The following RPN2 variants were observed in gnomAD, a reference collection of about 807,000 sequenced individuals.
RPN2 encodes the protein ribophorin II.
RPN2 carries 29 observed loss-of-function variants against 71.4 expected under a neutral mutation model. The observed-to-expected ratio is 0.41, with a 90% CI of 0.30 to 0.55. RPN2 has a LOEUF of 0.55. RPN2 is among the 20% of genes least tolerant of loss of function. RPN2 has a pLI of 0.35. For missense variants in RPN2, 726 were observed against 774.1 expected, an observed-to-expected ratio of 0.94 and a Z score of 0.74; for synonymous variants, 308 against 305.0, an observed-to-expected ratio of 1.01 and a Z score of -0.10.
chr20:37,200,007 T>C (rs1187961121), intron 4 of RPN2, among the ~76,000 whole-genome samples: 1 of 151,950 alleles, frequency 6.6e-6, no homozygotes, highest in East Asian at 1.9e-4. Flanking sequence ...ATTTTTTTTT[T>C]TTTTTGAGAC....
chr20:37,208,137 G>A (rs754479517), intron 7 of RPN2, among the ~76,000 whole-genome samples: 7 of 151,982 alleles, frequency 4.6e-5, no homozygotes, highest in Non-Finnish European at 1.0e-4. Context: ...GGGCCTGGTG[G>A]TGCGCACCTG....
chr20:37,213,629 G>A (rs1439170254), intron 8 of RPN2, 131 bp from the exon 9 acceptor site: 3 of 731,370 alleles, frequency 4.1e-6, no homozygotes, highest in Non-Finnish European at 7.4e-6. Flanking sequence ...GCCCAAGTGG[G>A]GTGGGAAGTC....
intron 1 of RPN2, among the ~76,000 whole-genome samples, chr20:37,182,532 A>T (rs1207695039): frequency 6.6e-6 from 1 of 152,136 alleles, no homozygotes; most frequent in Admixed American, 6.5e-5. Context: ...CTGGGACTAC[A>T]GGCACACGCC....
rs762745360 is a variant in RPN2, at chr20:37,184,286, G to A, written c.120G>A (p.Ser40=). The change falls in exon 2 of 17, where the codon TCG becomes TCA. Residue 40 remains serine (S), a synonymous_variant. Transcript: ENST00000237530. ...TKHDVERLKA[S]LDRPFTNLES... ...ATGACGTGGAGAGACTAAAAGCCTCGCTGGATCGCCCTTTCACAAATTTGG... is the reference window on the plus strand; with the variant it reads ...ATGACGTGGAGAGACTAAAAGCCTCACTGGATCGCCCTTTCACAAATTTGG... The A allele has an allele frequency of 2.5e-5, 40 of 1,614,034 alleles. No homozygotes were observed. Among genetic ancestry groups the A allele is most frequent in the East Asian group, 2.2e-4 (10 of 44,884 alleles).
At chr20:37,234,752 C>T (rs1386898109) in intron 15 of RPN2, among the ~76,000 whole-genome samples, 1 of 150,908 alleles carries the variant, frequency 6.6e-6, no homozygotes, top group Non-Finnish European at 1.5e-5. Context: ...GCATTCATGG[C>T]TCACTGCAGC....
intron 11 of RPN2, 68 bp from the exon 12 acceptor site, chr20:37,228,482 A>C: frequency 2.1e-6 from 3 of 1,458,898 alleles, no homozygotes; most frequent in Non-Finnish European, 1.9e-6. Context: ...TGCCCGGTGG[A>C]TTCAATGTTA....
chr20:37,190,787 T>C (rs2067122271), intron 2 of RPN2, among the ~76,000 whole-genome samples: 1 of 152,236 alleles, frequency 6.6e-6, no homozygotes, highest in Non-Finnish European at 1.5e-5. Flanking sequence ...ACATACTCCA[T>C]TCTAATTGCT....
At chr20:37,212,514 T>C (rs914463442) in intron 8 of RPN2, among the ~76,000 whole-genome samples, 2 of 151,486 alleles carry the variant, frequency 1.3e-5, no homozygotes, top group Non-Finnish European at 2.9e-5. Flanking sequence ...ACAGTTTCGC[T>C]CTGTTGCCTG....
chr20:37,211,714 T>C (rs1018392241), intron 8 of RPN2, among the ~76,000 whole-genome samples: 16 of 151,758 alleles, frequency 1.1e-4, no homozygotes, highest in Admixed American at 9.2e-4. Flanking sequence ...TTTTATAGGA[T>C]TAAATATTCT....
chr20:37,232,308 G>A lies in RPN2; in HGVS notation c.1594G>A (p.Glu532Lys), dbSNP rs140556886. 3.0e-4 allele frequency: 487 copies of A among 1,614,136 alleles called. 2 individuals are homozygous for A. The African/African-American group carries it at 4.8e-3, about 16-fold the overall frequency. Reference sequence around the variant, plus strand: ...TGTCTTTCGGCAGCACCTGTTCCGCGAGCCTGAGAAGAGGCCCCCCACCGT... The same window carrying A: ...TGTCTTTCGGCAGCACCTGTTCCGCAAGCCTGAGAAGAGGCCCCCCACCGT... Reference protein sequence around the residue: ...PKQEIQHLFREPEKRPPTVVS... With the variant: ...PKQEIQHLFRKPEKRPPTVVS... The change falls in exon 14 of 17, where the codon GAG (glutamate) becomes AAG (lysine). Residue 532 changes from glutamate (E) to lysine (K), a missense_variant. By Grantham distance (56) the Glu-to-Lys change is moderately conservative. Coordinates refer to ENST00000237530, the MANE Select transcript of RPN2 (RefSeq NM_002951.5).
intron 16 of RPN2, among the ~76,000 whole-genome samples, chr20:37,240,095 C>T (rs576142411): frequency 2.0e-5 from 3 of 152,118 alleles, no homozygotes; most frequent in Non-Finnish European, 4.4e-5. Flanking sequence ...CCTGCTATCC[C>T]CAAATCATTG....
chr20:37,224,665 G>GC (rs1338260457), intron 10 of RPN2, among the ~76,000 whole-genome samples: 1 of 152,162 alleles, frequency 6.6e-6, no homozygotes, highest in East Asian at 1.9e-4. Flanking sequence ...CTGCTCATCA[G>GC]CCCTCCCCCA....
chr20:37,241,494 G>T lies in RPN2; in HGVS notation c.*179G>T. 1.4e-6 allele frequency: 1 copy of T among 693,748 alleles called. No homozygotes were observed. 43.0% of individuals were successfully genotyped at this position (693,748 alleles called of 1,614,324 possible). ...CCCCAACACACAGCAGATACCTGGT[G>T]AGCTCAGATAGTCTCTTTCTCTGAC... On this transcript the variant is annotated 3_prime_UTR_variant, in exon 17 of 17. Transcript: ENST00000237530.
At chr20:37,217,785 T>G (rs2067851131) in intron 9 of RPN2, among the ~76,000 whole-genome samples, 1 of 151,578 alleles carries the variant, frequency 6.6e-6, no homozygotes, top group Non-Finnish European at 1.5e-5. Context: ...TGGAGTGCAG[T>G]GGCACGATCT....
chr20:37,209,935 A>G (rs764248710), intron 7 of RPN2, 112 bp from the exon 8 acceptor site: 13 of 1,545,898 alleles, frequency 8.4e-6, no homozygotes, highest in Non-Finnish European at 1.0e-5. Flanking sequence ...TTCCCGAAGC[A>G]GGGGATTTGC....
At chr20:37,222,213 G>C (rs2067975466) in intron 9 of RPN2, among the ~76,000 whole-genome samples, 1 of 152,152 alleles carries the variant, frequency 6.6e-6, no homozygotes, top group Admixed American at 6.5e-5. Context: ...CTCCCTTCTT[G>C]GGGGTGTCTA....
At chr20:37,215,923 C>T (rs1435738975) in intron 9 of RPN2, among the ~76,000 whole-genome samples, 1 of 152,036 alleles carries the variant, frequency 6.6e-6, no homozygotes, top group African/African-American at 2.4e-5. Context: ...GTTTGTTAGT[C>T]TTATTACTGA....
intron 9 of RPN2, among the ~76,000 whole-genome samples, chr20:37,219,142 G>A (rs547399280): frequency 1.0e-3 from 158 of 152,304 alleles, no homozygotes; most frequent in African/African-American, 3.7e-3. Flanking sequence ...TACCAGCAAT[G>A]TGTGAGGGTT....
chr20:37,232,331 C>T lies in RPN2; in HGVS notation c.1617C>T (p.Thr539=), dbSNP rs368244982. Reference sequence around the variant, plus strand: ...GCGAGCCTGAGAAGAGGCCCCCCACCGTGGTGTCCAATACATTCACTGCCC... The same window carrying T: ...GCGAGCCTGAGAAGAGGCCCCCCACTGTGGTGTCCAATACATTCACTGCCC... ...LFREPEKRPP[T]VVSNTFTALI... is the part of the protein sequence containing the mutation. The change falls in exon 14 of 17, where the codon ACC becomes ACT. Residue 539 remains threonine, a synonymous_variant. Transcript: ENST00000237530. 4.3e-5 allele frequency: 70 copies of T among 1,614,074 alleles called. No individual in the cohort carries two copies. In the East Asian group the frequency reaches 9.8e-4, roughly 23 times the overall value.
Sources: gnomAD v4.1 joint callset for allele counts (sites outside exome capture counted in the v4.1 genomes callset) on GRCh38, gnomAD v4.1.1 for gene constraint, MANE v1.5 for transcripts, NCBI Gene and HGNC (gene_info 2026-07-23, HGNC 2026-07-21) for gene names.